OPCML: variants seen among roughly 807,000 people sequenced by gnomAD.
OPCML encodes opioid binding protein/cell adhesion molecule like.
OPCML carries 13 observed loss-of-function variants against 37.8 expected under a neutral mutation model. The ratio of observed to expected loss-of-function variants is 0.34; its 90% CI spans 0.22 to 0.55. The LOEUF (loss-of-function observed/expected upper bound fraction) is 0.55, where lower values mean the gene tolerates loss of function less well. OPCML is among the 20% of genes least tolerant of loss of function. The pLI, the probability that OPCML is intolerant of heterozygous loss-of-function variation, is 0.91. For synonymous variants in OPCML, 176 were observed against 168.8 expected (o/e 1.04, Z -0.33); for missense variants, 341 against 435.6 (o/e 0.78, Z 1.93).
chr11:133,399,299 A>G (rs1342103127), intron 1 of OPCML, among the ~76,000 whole-genome samples: 3 of 152,128 alleles, frequency 2.0e-5, no homozygotes, highest in African/African-American at 2.4e-5. Flanking sequence ...TAGGAATAAG[A>G]TGGGCCTGGG....
intron 4 of OPCML, among the ~76,000 whole-genome samples, chr11:132,448,718 C>T (rs898040499): frequency 1.3e-5 from 2 of 152,166 alleles, no homozygotes; most frequent in African/African-American, 4.8e-5. Context: ...CAAGAAGTCA[C>T]TTTATATGAC....
intron 2 of OPCML, among the ~76,000 whole-genome samples, chr11:132,764,298 C>T (rs908117745): frequency 2.0e-5 from 3 of 152,182 alleles, no homozygotes; most frequent in African/African-American, 7.2e-5. Context: ...TCCCACCCCA[C>T]CATTGCTGCT....
intron 2 of OPCML, among the ~76,000 whole-genome samples, chr11:132,739,547 T>C (rs923101407): frequency 5.9e-5 from 9 of 152,032 alleles, no homozygotes; most frequent in African/African-American, 2.2e-4. Context: ...ATGCAGAAAA[T>C]TTCATGGGTG....
intron 1 of OPCML, among the ~76,000 whole-genome samples, chr11:133,313,745 C>G (rs1262215826): frequency 6.6e-6 from 1 of 152,164 alleles, no homozygotes; most frequent in Non-Finnish European, 1.5e-5. Context: ...GAAACACACA[C>G]CATCCTACCG....
At chr11:132,617,118 C>A (rs1474199242) in intron 3 of OPCML, among the ~76,000 whole-genome samples, 1 of 152,212 alleles carries the variant, frequency 6.6e-6, no homozygotes, top group Non-Finnish European at 1.5e-5. Context: ...CTAAGATACT[C>A]TGAATCTTTC....
intron 1 of OPCML, among the ~76,000 whole-genome samples, chr11:133,218,028 A>G (rs476546): frequency 0.35 from 52,595 of 150,320 alleles, 10,551 homozygotes; most frequent in African/African-American, 0.53. Context: ...CCTGAACAAC[A>G]GAGACATACC....
chr11:133,294,599 T>C (rs1942574239), intron 1 of OPCML, among the ~76,000 whole-genome samples: 2 of 152,004 alleles, frequency 1.3e-5, no homozygotes, highest in African/African-American at 4.8e-5. Context: ...AAGCTGATAA[T>C]TTAGGCATCC....
chr11:132,519,363 G>A (rs1288246976), intron 4 of OPCML, among the ~76,000 whole-genome samples: 1 of 152,076 alleles, frequency 6.6e-6, no homozygotes, highest in Admixed American at 6.5e-5. Context: ...CAGCTGCACA[G>A]TGACGCTTGC....
At chr11:133,513,637 T>C (rs1479551242) in intron 1 of OPCML, among the ~76,000 whole-genome samples, 1 of 152,194 alleles carries the variant, frequency 6.6e-6, no homozygotes, top group African/African-American at 2.4e-5. Context: ...TACAGAATTG[T>C]GTCTCCCTGA....
intron 1 of OPCML, among the ~76,000 whole-genome samples, chr11:133,092,098 A>G (rs1423900542): frequency 6.6e-6 from 1 of 152,038 alleles, no homozygotes; most frequent in Non-Finnish European, 1.5e-5. Flanking sequence ...GAGGGGGTGA[A>G]TTTACTTCTT....
At chr11:133,222,955 A>G (rs979136894) in intron 1 of OPCML, among the ~76,000 whole-genome samples, 2 of 152,166 alleles carry the variant, frequency 1.3e-5, no homozygotes, top group Non-Finnish European at 2.9e-5. Context: ...AGCCTTGTGT[A>G]CTTGGGACAT....
chr11:133,415,962 T>C (rs957368150), intron 1 of OPCML, among the ~76,000 whole-genome samples: 1 of 152,082 alleles, frequency 6.6e-6, no homozygotes, highest in African/African-American at 2.4e-5. Flanking sequence ...CTGGCAACAC[T>C]TGAACAAGCA....
At chr11:133,320,635 C>A (rs1943306988) in intron 1 of OPCML, among the ~76,000 whole-genome samples, 1 of 152,130 alleles carries the variant, frequency 6.6e-6, no homozygotes, top group African/African-American at 2.4e-5. Flanking sequence ...AGCTATCATC[C>A]TTTTAAAGTA....
intron 2 of OPCML, among the ~76,000 whole-genome samples, chr11:132,725,474 C>G (rs1451331730): frequency 6.6e-6 from 1 of 152,164 alleles, no homozygotes; most frequent in Non-Finnish European, 1.5e-5. Flanking sequence ...CTGCGAAGAT[C>G]TCTGACATGT....
intron 3 of OPCML, among the ~76,000 whole-genome samples, chr11:132,598,999 G>C (rs189792745): frequency 1.2e-4 from 18 of 152,090 alleles, no homozygotes; most frequent in Non-Finnish European, 2.1e-4. Flanking sequence ...GCCAAGCATG[G>C]CCATGTGCAG....
chr11:133,326,954 T>C (rs1184707403), intron 1 of OPCML, among the ~76,000 whole-genome samples: 2 of 130,874 alleles, frequency 1.5e-5, no homozygotes, highest in African/African-American at 2.9e-5. Flanking sequence ...GGGGTGTGTG[T>C]ATGAGGTGGG....
chr11:133,497,775 C>A (rs1253437840), intron 1 of OPCML, among the ~76,000 whole-genome samples: 1 of 152,186 alleles, frequency 6.6e-6, no homozygotes, highest in African/African-American at 2.4e-5. Flanking sequence ...CAAAAGGCTG[C>A]AAACTGTCTT....
At chr11:132,600,134 T>C (rs73049174) in intron 3 of OPCML, among the ~76,000 whole-genome samples, 20,143 of 152,124 alleles carry the variant, frequency 0.13, 2,278 homozygotes, top group African/African-American at 0.29. Flanking sequence ...CAGCAAACTC[T>C]AGGCATCTTG....
chr11:133,385,952 G>A (rs961560825), intron 1 of OPCML, among the ~76,000 whole-genome samples: 3 of 151,744 alleles, frequency 2.0e-5, no homozygotes, highest in Admixed American at 2.0e-4. Context: ...GCAGCAGCTT[G>A]CAACACTCTG....
Sources: allele counts gnomAD v4.1 joint callset (sites outside exome capture counted in the v4.1 genomes callset), GRCh38; gene constraint gnomAD v4.1.1; transcripts MANE v1.5; gene names NCBI Gene and HGNC (gene_info 2026-07-23, HGNC 2026-07-21).